DPP10: variants seen among roughly 807,000 people sequenced by gnomAD.
DPP10 encodes the protein inactive dipeptidyl peptidase 10.
DPP10 carries 33 observed loss-of-function variants against 120.9 expected under a neutral mutation model. That is an observed-to-expected ratio of 0.27 (90% CI 0.21 to 0.37). The LOEUF is 0.37. DPP10 is among the 10% of genes least tolerant of loss of function. DPP10 has a pLI of 1.00. For synonymous variants in DPP10, 337 were observed against 326.1 expected, an observed-to-expected ratio of 1.03 and a Z score of -0.36; for missense variants, 816 against 942.8, an observed-to-expected ratio of 0.87 and a Z score of 1.76.
At chr2:114,658,557 T>C (rs1697140401) in intron 1 of DPP10, among the ~76,000 whole-genome samples, 1 of 152,198 alleles carries the variant, frequency 6.6e-6, no homozygotes, top group Admixed American at 6.5e-5. Context: ...TAGGGTTGGG[T>C]TGGAACTGAA....
intron 1 of DPP10, among the ~76,000 whole-genome samples, chr2:114,572,482 GATAA>G (rs1157685526): frequency 7.9e-5 from 12 of 152,170 alleles, no homozygotes; most frequent in Non-Finnish European, 1.8e-4. Flanking sequence ...GTGGCATGAA[GATAA>G]ATAAATGCCT....
At chr2:114,847,110 G>A (rs1688603189) in intron 1 of DPP10, among the ~76,000 whole-genome samples, 2 of 151,870 alleles carry the variant, frequency 1.3e-5, no homozygotes, top group African/African-American at 4.9e-5. Context: ...CTGGGCTCAA[G>A]GGATCCTCCG....
At chr2:115,760,008 A>G (rs1005978499) in intron 11 of DPP10, among the ~76,000 whole-genome samples, 51 of 151,696 alleles carry the variant, frequency 3.4e-4, no homozygotes, top group African/African-American at 1.1e-3. Flanking sequence ...AAACTCCGTC[A>G]CAAAAAAAAA....
intron 1 of DPP10, among the ~76,000 whole-genome samples, chr2:114,937,743 C>T (rs1055274053): frequency 6.6e-6 from 1 of 152,130 alleles, no homozygotes; most frequent in Non-Finnish European, 1.5e-5. Flanking sequence ...TGAACGTGCC[C>T]AATCTCTTCT....
intron 1 of DPP10, among the ~76,000 whole-genome samples, chr2:115,095,529 A>G (rs1418349575): frequency 6.6e-6 from 1 of 152,004 alleles, no homozygotes; most frequent in Admixed American, 6.6e-5. Flanking sequence ...CTATTCAGGA[A>G]AATGTTATTA....
chr2:114,596,216 G>T (rs1320885281), intron 1 of DPP10, among the ~76,000 whole-genome samples: 2 of 151,944 alleles, frequency 1.3e-5, no homozygotes, highest in African/African-American at 4.8e-5. Context: ...AATTGCTTCT[G>T]CTCATTGGGC....
At chr2:114,953,005 T>C (rs1697910481) in intron 1 of DPP10, among the ~76,000 whole-genome samples, 1 of 151,810 alleles carries the variant, frequency 6.6e-6, no homozygotes, top group African/African-American at 2.4e-5. Context: ...TTTTTTTTTT[T>C]CTGGATGTTG....
chr2:115,383,538 C>T (rs1175424180), intron 3 of DPP10, among the ~76,000 whole-genome samples: 2 of 152,168 alleles, frequency 1.3e-5, no homozygotes, highest in South Asian at 2.1e-4. Flanking sequence ...CAGAAATCCT[C>T]TTTTGCATAA....
At chr2:114,695,772 A>G (rs1464345261) in intron 1 of DPP10, among the ~76,000 whole-genome samples, 1 of 152,126 alleles carries the variant, frequency 6.6e-6, no homozygotes, top group Non-Finnish European at 1.5e-5. Context: ...AGTCTTGTAA[A>G]AATTTAGAGT....
At chr2:115,793,464 A>C (rs13005041) in intron 19 of DPP10, among the ~76,000 whole-genome samples, 12,511 of 152,118 alleles carry the variant, frequency 0.082, 570 homozygotes, top group South Asian at 0.14. Flanking sequence ...ATAAATGGCA[A>C]AATTATAAGT....
chr2:114,919,897 C>T (rs1254278416), intron 1 of DPP10, among the ~76,000 whole-genome samples: 1 of 152,158 alleles, frequency 6.6e-6, no homozygotes, highest in Non-Finnish European at 1.5e-5. Flanking sequence ...AGTTGGTCAC[C>T]TCTCCCTCCA....
At chr2:114,514,791 T>TC (rs1684455300) in intron 1 of DPP10, among the ~76,000 whole-genome samples, 1 of 151,626 alleles carries the variant, frequency 6.6e-6, no homozygotes, top group Non-Finnish European at 1.5e-5. Flanking sequence ...TGTTCCTTTT[T>TC]TTTTCCACGT....
intron 3 of DPP10, among the ~76,000 whole-genome samples, chr2:115,371,207 A>G (rs1243310471): frequency 6.6e-6 from 1 of 152,122 alleles, no homozygotes; most frequent in Non-Finnish European, 1.5e-5. Flanking sequence ...CCCGCCCGTC[A>G]TGTGAATTTT....
At position 114,489,052 on chromosome 2, in the gene DPP10, G is replaced by A. The variant is rs189770161; in HGVS notation, c.60+46214G>A. Among the ~76,000 whole-genome samples the A allele has an allele frequency of 4.0e-3, 615 of 152,270 alleles. 3 individuals carry two copies. Among genetic ancestry groups the A allele is most frequent in the African/African-American group, 0.014 (568 of 41,544 alleles). On this transcript the variant is annotated intron_variant, in intron 1 of 25. Transcript: ENST00000410059. ...TGGGTTGCATGTGAATATTTCCATC[G>A]TATTTGAATCTGTTTTCAAAATAAA... is the stretch of plus-strand genomic sequence containing the variant.
chr2:115,027,900 T>TA (rs768816716), intron 1 of DPP10, among the ~76,000 whole-genome samples: 216 of 152,208 alleles, frequency 1.4e-3, no homozygotes, highest in Non-Finnish European at 1.9e-3. Context: ...TATTGGTGTA[T>TA]AGTTGTTCAT....
intron 1 of DPP10, among the ~76,000 whole-genome samples, chr2:115,122,988 T>G (rs1400373776): frequency 6.6e-6 from 1 of 152,186 alleles, no homozygotes; most frequent in African/African-American, 2.4e-5. Context: ...AAAGAATCCA[T>G]GTACAGGGGT....
chr2:114,685,319 G>GCAAAATAA (rs767877457), intron 1 of DPP10, among the ~76,000 whole-genome samples: 1,745 of 152,042 alleles, frequency 0.011, 11 homozygotes, highest in Middle Eastern at 0.027. Flanking sequence ...CCCCATGCTG[G>GCAAAATAA]GATAGTTATT....
rs1298053651 is a variant in DPP10 at position 114,460,428 on chromosome 2, A to G, written c.60+17590A>G. ...GGGTTTAATTACAATTACTTCCTAG[A>G]GAAAAAGCTCCTTTGTCTGAACGGT... is the stretch of plus-strand genomic sequence containing the variant. On this transcript the variant is annotated intron_variant, in intron 1 of 25. Coordinates refer to ENST00000410059, the MANE Select transcript of DPP10 (RefSeq NM_020868.6). Among the ~76,000 whole-genome samples, 3 of 152,172 alleles carry G rather than the reference A, an allele frequency of 2.0e-5. No homozygotes were observed. The East Asian group carries it at 5.8e-4, about 29-fold the overall frequency.
intron 1 of DPP10, among the ~76,000 whole-genome samples, chr2:114,708,442 A>C (rs1185103864): frequency 6.6e-6 from 1 of 152,128 alleles, no homozygotes; most frequent in African/African-American, 2.4e-5. Context: ...CAGAAGGGGG[A>C]AGAACTGGGT....
Sources: gnomAD v4.1 joint callset for allele counts (sites outside exome capture counted in the v4.1 genomes callset) on GRCh38, gnomAD v4.1.1 for gene constraint, MANE v1.5 for transcripts, NCBI Gene and HGNC (gene_info 2026-07-23, HGNC 2026-07-21) for gene names.